The following ASB3 variants were observed in gnomAD, a reference collection of about 807,000 sequenced individuals.
ASB3 encodes the protein ankyrin repeat and SOCS box containing 3.
ASB3 carries 41 observed loss-of-function variants against 54.5 expected under a neutral mutation model. The ratio of observed to expected loss-of-function variants is 0.75; its 90% confidence interval spans 0.59 to 0.98. ASB3 has a LOEUF of 0.98. Ranked by LOEUF, ASB3 falls within the 50% of genes least tolerant of loss-of-function variation. The pLI, the probability that ASB3 is intolerant of heterozygous loss-of-function variation, is 0.00. For missense variants in ASB3, 733 were observed against 620.0 expected (o/e 1.18, Z -1.94); for synonymous variants, 266 against 221.2 (o/e 1.20, Z -1.80).
intron 9 of ASB3, among the ~76,000 whole-genome samples, chr2:53,692,508 G>C (rs1043484035): frequency 2.0e-5 from 3 of 152,082 alleles, no homozygotes; most frequent in African/African-American, 4.8e-5. Context: ...CTCAATAGAT[G>C]ATGATTATTA....
At chr2:53,776,466 G>C (rs1217959304) in intron 1 of ASB3, among the ~76,000 whole-genome samples, 3 of 152,048 alleles carry the variant, frequency 2.0e-5, no homozygotes, top group Non-Finnish European at 4.4e-5. Context: ...TGACTGTATT[G>C]TCTATTAATT....
chr2:53,757,740 C>T (rs778532058), intron 2 of ASB3, among the ~76,000 whole-genome samples: 6 of 152,190 alleles, frequency 3.9e-5, no homozygotes, highest in Non-Finnish European at 8.8e-5. Context: ...CAGCTCTCAA[C>T]ATGGGCAGTT....
intron 9 of ASB3, among the ~76,000 whole-genome samples, chr2:53,676,315 C>T (rs1444180213): frequency 1.3e-5 from 2 of 152,202 alleles, no homozygotes; most frequent in Non-Finnish European, 2.9e-5. Context: ...ATGTAGTAAA[C>T]TCATTTCATG....
chr2:53,755,833 T>C (rs1039376918), intron 2 of ASB3, among the ~76,000 whole-genome samples: 3 of 152,100 alleles, frequency 2.0e-5, no homozygotes, highest in African/African-American at 7.2e-5. Flanking sequence ...AGGATTAATA[T>C]CCAGAATACA....
intron 1 of ASB3, among the ~76,000 whole-genome samples, chr2:53,779,015 G>T (rs1674505587): frequency 6.6e-6 from 1 of 152,140 alleles, no homozygotes; most frequent in Admixed American, 6.5e-5. Context: ...GTGTACAGAG[G>T]TTCCCCTTTC....
At chr2:53,679,227 C>T (rs1052263925) in intron 9 of ASB3, among the ~76,000 whole-genome samples, 3 of 152,230 alleles carry the variant, frequency 2.0e-5, no homozygotes, top group Non-Finnish European at 4.4e-5. Flanking sequence ...AATACAACTA[C>T]ATGAACTGGT....
intron 1 of ASB3, chr2:53,774,006 GC>G (rs1228141176): frequency 1.0e-6 from 1 of 986,038 alleles, no homozygotes; most frequent in Non-Finnish European, 1.5e-6. Context: ...CTGCACCACA[GC>G]CTGGGCAACA....
intron 7 of ASB3, among the ~76,000 whole-genome samples, chr2:53,712,831 T>C (rs1046547780): frequency 6.6e-6 from 1 of 152,234 alleles, no homozygotes; most frequent in African/African-American, 2.4e-5. Flanking sequence ...TGTTCAGTTC[T>C]GTAACGGACT....
At chr2:53,750,084 A>T (rs1672434493) in intron 3 of ASB3, among the ~76,000 whole-genome samples, 1 of 152,122 alleles carries the variant, frequency 6.6e-6, no homozygotes, top group African/African-American at 2.4e-5. Flanking sequence ...AAATAAATAA[A>T]TATACAAATT....
chr2:53,700,518 AG>A lies in ASB3; in HGVS notation c.990del (p.Phe331LeufsTer4). 6.2e-7 allele frequency: 1 copy of A among 1,607,218 alleles called. No homozygotes were observed. The highest frequency in any genetic ancestry group is 8.5e-7 in the Non-Finnish European group (1 of 1,177,660). ...TTCAAAAGAATGTTCACAATTCCAAAGAACTCACAGCTCCACCATAAAAAAT... is the reference window on the plus strand; with the variant it reads ...TTCAAAAGAATGTTCACAATTCCAAAAACTCACAGCTCCACCATAAAAAAT... ...VCMAFQKDCE[F>X]FGIVNILLKY... On this transcript the variant is annotated frameshift_variant, in exon 8 of 10. Transcript: ENST00000263634. LOFTEE classifies it high-confidence loss of function.
intron 1 of ASB3, among the ~76,000 whole-genome samples, chr2:53,766,129 A>C (rs1241606141): frequency 6.6e-6 from 1 of 152,200 alleles, no homozygotes; most frequent in Non-Finnish European, 1.5e-5. Flanking sequence ...TGTCCTTTCC[A>C]GAAGAGGTTA....
Position 53,700,254 on chromosome 2 carries a change from A to C in ASB3, c.1238+17T>G, listed in dbSNP as rs773850300. On this transcript the variant is annotated intron_variant, in intron 8 of 9. Transcript: ENST00000263634. ...TCACTCAAAAAGGGTAAGCCCGACT[A>C]TGGTAGAATTTCTTACCAAGAATTG... The C allele has an allele frequency of 2.5e-6, 4 of 1,607,626 alleles. No individual in the cohort carries two copies. Among genetic ancestry groups the C allele is most frequent in the Non-Finnish European group, 3.4e-6 (4 of 1,176,928 alleles).
intron 1 of ASB3, chr2:53,767,889 G>C (rs575285854): frequency 1.2e-6 from 2 of 1,610,184 alleles, no homozygotes; most frequent in South Asian, 2.2e-5. Flanking sequence ...GCGAGAAGAT[G>C]TGGGTTTTTG....
chr2:53,674,447 T>C (rs1220624215), intron 9 of ASB3, among the ~76,000 whole-genome samples: 1 of 152,212 alleles, frequency 6.6e-6, no homozygotes, highest in Non-Finnish European at 1.5e-5. Flanking sequence ...GACTACATGT[T>C]GTTATACAAA....
rs775998219 is a variant in ASB3 at position 53,693,922 on chromosome 2, G to A, written c.1331C>T (p.Ala444Val). 9.9e-6 allele frequency: 16 copies of A among 1,613,488 alleles called. No individual in the cohort carries two copies. The highest frequency in any genetic ancestry group is 1.3e-5 in the African/African-American group (1 of 74,916). Residue 444 changes from alanine to valine, a missense_variant, in exon 9 of 10, where the codon GCT becomes GTT. By Grantham distance (64) the Ala-to-Val change is moderately conservative. Transcript: ENST00000263634. Reference sequence around the variant, plus strand: ...TAGAATCCAAGCGTTTGAGGCACGAGCAGAGAGCATCCTTTCAACAGCTGG... The same window carrying A: ...TAGAATCCAAGCGTTTGAGGCACGAACAGAGAGCATCCTTTCAACAGCTGG... ...LAPAVERMLS[A>V]RASNAWILQQ...
intron 7 of ASB3, among the ~76,000 whole-genome samples, chr2:53,701,481 T>C (rs962767675): frequency 6.6e-6 from 1 of 152,176 alleles, no homozygotes; most frequent in African/African-American, 2.4e-5. Flanking sequence ...CTGCAATATC[T>C]CTTCTCTATT....
chr2:53,705,654 A>ATATTTTTTCTG (rs1669729565), intron 7 of ASB3, among the ~76,000 whole-genome samples: 1 of 152,150 alleles, frequency 6.6e-6, no homozygotes, highest in African/African-American at 2.4e-5. Context: ...ATTAATTTAC[A>ATATTTTTTCTG]TATTTTTTCT....
intron 2 of ASB3, among the ~76,000 whole-genome samples, chr2:53,760,098 T>C (rs1004955056): frequency 1.3e-5 from 2 of 152,182 alleles, no homozygotes; most frequent in African/African-American, 4.8e-5. Flanking sequence ...TCTTTTCACA[T>C]GTCTTTCTAA....
At position 53,670,292 on chromosome 2, in the gene ASB3, AT is replaced by A. The variant is rs757738523; in HGVS notation, c.*210del. On this transcript the variant is annotated 3_prime_UTR_variant, in exon 10 of 10. Transcript: ENST00000263634. ...TAAAGTAATATAAGTGATGTTTACA[AT>A]TTTTTTTTTTTTTTTTTTTTTTTTT... 13,840 of 178,388 alleles carry A rather than the reference AT, an allele frequency of 0.078. 579 individuals are homozygous for A. Among genetic ancestry groups the A allele is most frequent in the East Asian group, 0.12 (760 of 6,384 alleles). The allele number at this position is 178,388 out of a possible 1,614,324, so 11.1% of individuals were successfully genotyped here. A position where few individuals can be genotyped will look rare whatever the true frequency, so the allele number is the denominator to read the frequency against.
Sources: gnomAD v4.1 joint callset for allele counts (sites outside exome capture counted in the v4.1 genomes callset) on GRCh38, gnomAD v4.1.1 for gene constraint, MANE v1.5 for transcripts, NCBI Gene and HGNC (gene_info 2026-07-23, HGNC 2026-07-21) for gene names.